KIF21B: variants seen among roughly 807,000 people sequenced by gnomAD.
KIF21B encodes kinesin-like protein KIF21B.
A neutral mutation model predicts 192.9 loss-of-function variants in KIF21B; 85 were observed. The ratio of observed to expected loss-of-function variants is 0.44; its 90% CI spans 0.37 to 0.53. The LOEUF (loss-of-function observed/expected upper bound fraction) is 0.53, where lower values mean the gene tolerates loss of function less well. Among genes scored for constraint, KIF21B ranks in the 20% least tolerant of loss-of-function variants. KIF21B has a pLI of 0.00. For missense variants in KIF21B, 1,716 were observed against 2,194.8 expected (o/e 0.78, Z 4.36); for synonymous variants, 832 against 884.6 (o/e 0.94, Z 1.05).
rs1354046251 is a variant in KIF21B, at chr1:200,973,478, C to T, written c.*43G>A. 3.5e-6 allele frequency: 5 copies of T among 1,409,800 alleles called. No individual in the cohort carries two copies. Among genetic ancestry groups the T allele is most frequent in the Admixed American group, 3.5e-5 (1 of 28,936 alleles). The allele number at this position is 1,409,800 out of a possible 1,614,324, so 87.3% of individuals were successfully genotyped here. A position where few individuals can be genotyped will look rare whatever the true frequency, so the allele number is the denominator to read the frequency against. On this transcript the variant is annotated 3_prime_UTR_variant, in exon 35 of 35. Coordinates refer to ENST00000461742, the MANE Select transcript of KIF21B (RefSeq NM_001252102.2). ...CAGCTTCCCTTCCATGGTGTCCAGG[C>T]TGCTGGGGTCGAGGGTCCGGGGGCA... is the stretch of plus-strand genomic sequence containing the variant.
chr1:200,973,521 C>T lies in KIF21B; in HGVS notation c.4872G>A (p.Ter1624=). The change falls in exon 35 of 35, where the codon TAG becomes TAA. Residue 1624 remains the stop codon, a stop_retained_variant. Transcript: ENST00000461742. The part of the protein sequence containing the change: ...VRRLPHSGPP[*] ...CGGGGGCATCCCTCTGACCTCACTC[C>T]TAGGGTGGGCCGCTGTGGGGTAACC... 1 of 1,479,018 alleles carries T rather than the reference C, an allele frequency of 6.8e-7. No homozygotes were observed. The highest frequency in any genetic ancestry group is 1.7e-4 in the Middle Eastern group (1 of 5,780). 91.6% of individuals were successfully genotyped at this position (1,479,018 alleles called of 1,614,324 possible).
chr1:201,022,294 C>T (rs2102490801), intron 1 of KIF21B, among the ~76,000 whole-genome samples: 1 of 152,252 alleles, frequency 6.6e-6, no homozygotes, highest in East Asian at 1.9e-4. Context: ...ACCTGAGAGA[C>T]CTACCCTAGA....
chr1:200,974,816 A>G lies in KIF21B; in HGVS notation c.4712T>C (p.Val1571Ala), dbSNP rs758204948. Residue 1571 changes from valine to alanine, a missense_variant, in exon 34 of 35, where the codon GTC becomes GCC. By Grantham distance (64) the Val-to-Ala change is moderately conservative. Coordinates refer to ENST00000461742, the MANE Select transcript of KIF21B (RefSeq NM_001252102.2). ...LSACRAGVIK[V>A]WNVDNFTPIG... ...GGGTGTGAAGTTGTCCACGTTCCAG[A>G]CCTTGATGACACCCGCACGGCAGGC... The G allele has an allele frequency of 6.2e-7, 1 of 1,614,170 alleles. No homozygotes were observed. The highest frequency in any genetic ancestry group is 8.5e-7 in the Non-Finnish European group (1 of 1,180,010).
chr1:200,994,143 G>A (rs1558011193), intron 15 of KIF21B, among the ~76,000 whole-genome samples: 2 of 152,216 alleles, frequency 1.3e-5, no homozygotes, highest in Admixed American at 6.5e-5. Flanking sequence ...AAGCACCATG[G>A]TGGCTACCAC....
At chr1:201,004,241 C>T (rs1000170316) in intron 7 of KIF21B, 99 bp downstream of exon 7, 1 of 1,002,392 alleles carries the variant, frequency 1.0e-6, no homozygotes, top group Non-Finnish European at 1.5e-6. Context: ...GGAAGGCCTC[C>T]TCCTCCTGGG....
At chr1:201,013,494 A>AG (rs1658344090) in intron 1 of KIF21B, among the ~76,000 whole-genome samples, 1 of 152,072 alleles carries the variant, frequency 6.6e-6, no homozygotes, top group African/African-American at 2.4e-5. Context: ...GGGGCATGGG[A>AG]GGGGGGTCAA....
rs1657547479 is a variant in KIF21B, at chr1:201,002,308, C to G, written c.1255G>C (p.Asp419His). The change falls in exon 9 of 35, where the codon GAT becomes CAT. Residue 419 changes from aspartate (D) to histidine (H), a missense_variant. Physicochemically the swap from Asp to His is moderately conservative, Grantham distance 81. Transcript: ENST00000461742. The part of the protein sequence containing the change: ...IGEDGAEGYS[D>H]LFRENAMLQK... ...AGCATGGCATTCTCTCGGAACAGATCACTATAGCCCTCAGCGCCATCCTCT... is the reference window on the plus strand; with the variant it reads ...AGCATGGCATTCTCTCGGAACAGATGACTATAGCCCTCAGCGCCATCCTCT... The G allele has an allele frequency of 6.2e-7, 1 of 1,614,090 alleles. No individual in the cohort carries two copies. The highest frequency in any genetic ancestry group is 8.5e-7 in the Non-Finnish European group (1 of 1,180,042).
chr1:201,005,797 A>G (rs1216519969), intron 3 of KIF21B, 103 bp from the exon 4 acceptor site: 5 of 1,235,076 alleles, frequency 4.0e-6, no homozygotes, highest in African/African-American at 3.0e-5. Flanking sequence ...GTGGAAACTG[A>G]GGCTGTGGGT....
Position 200,999,905 on chromosome 1 carries a change from G to T in KIF21B, c.1745C>A (p.Thr582Lys). The T allele has an allele frequency of 6.2e-7, 1 of 1,613,872 alleles. No homozygotes were observed. Among genetic ancestry groups the T allele is most frequent in the Non-Finnish European group, 8.5e-7 (1 of 1,180,020 alleles). ...CACCTCCTCCGCCTCGTTCTCATCCGTCTCCTCGCTGTTCTCCTGTTGGAG... is the reference window on the plus strand; with the variant it reads ...CACCTCCTCCGCCTCGTTCTCATCCTTCTCCTCGCTGTTCTCCTGTTGGAG... Reference protein sequence around the residue: ...AKLQQENSEETDENEAEEEEE... With the variant: ...AKLQQENSEEKDENEAEEEEE... Residue 582 changes from threonine (T) to lysine (K), a missense_variant, in exon 12 of 35, where the codon ACG becomes AAG. Around this residue, in one of 3 missense-constraint regions of KIF21B, gnomAD observed 1,087 missense variants for 1,316.6 expected, o/e 0.83. Transcript: ENST00000461742. The surrounding 1 kb of genome is among the most constrained non-coding windows in gnomAD (Gnocchi z 4.7).
rs1174268785 is a variant in KIF21B, at chr1:200,999,464, C to T, written c.1770G>A (p.Glu590=). ...EETDENEAEE[E]EEERDESGCE... ...AGCCACTCTCGTCTCGCTCTTCCTC[C>T]TCCTGGGCACCAGGCACCATTGGGG... The change falls in exon 13 of 35, where the codon GAG becomes GAA. Residue 590 remains glutamate, a splice_region_variant and synonymous_variant. Transcript: ENST00000461742. This position sits in a 1 kb window ranked among gnomAD's most constrained non-coding sequence, Gnocchi z 4.7. The T allele has an allele frequency of 1.9e-6, 3 of 1,613,548 alleles. No individual in the cohort carries two copies. The highest frequency in any genetic ancestry group is 2.2e-5 in the South Asian group (2 of 91,028).
chr1:201,014,356 A>G (rs1246797346), intron 1 of KIF21B, among the ~76,000 whole-genome samples: 1 of 152,220 alleles, frequency 6.6e-6, no homozygotes, highest in East Asian at 1.9e-4. Flanking sequence ...CCTGGAGCAC[A>G]GAGCTGCAGG....
chr1:201,000,452 G>A lies in KIF21B; in HGVS notation c.1623C>T (p.Ile541=), dbSNP rs766686164. The A allele has an allele frequency of 6.3e-6, 10 of 1,582,284 alleles. No individual in the cohort carries two copies. The highest frequency in any genetic ancestry group is 1.4e-5 in the African/African-American group (1 of 73,168). The change falls in exon 11 of 35, where the codon ATC becomes ATT. Residue 541 remains isoleucine, a synonymous_variant. Transcript: ENST00000461742. This position sits in a 1 kb window ranked among gnomAD's most constrained non-coding sequence, Gnocchi z 6.0. ...GCTCCAGGTCCTGCTTGGCCCTGCG[G>A]ATCACCTCCGAGGCATCCTCCATGG... ...ASSMEDASEV[I]RRAKQDLERL... is the part of the protein sequence containing the mutation.
intron 1 of KIF21B, among the ~76,000 whole-genome samples, chr1:201,010,773 C>T (rs903228438): frequency 3.3e-5 from 5 of 152,364 alleles, no homozygotes; most frequent in African/African-American, 1.2e-4. Flanking sequence ...CACCCTGTCT[C>T]TGTCCCCAGC....
At chr1:200,976,729 G>A in intron 32 of KIF21B, 47 bp downstream of exon 32, 1 of 1,234,830 alleles carries the variant, frequency 8.1e-7, no homozygotes, top group Non-Finnish European at 1.2e-6. Context: ...GCAAAGATTG[G>A]GGAGAGTGGA....
rs1657201881 is a variant in KIF21B at position 200,998,220 on chromosome 1, G to A, written c.2077+164C>T. ...TGTTTCATAGGAACTAGGGTTAGAC[G>A]TAAGAACCTTTAACTGTGGGTCAAA... is the stretch of plus-strand genomic sequence containing the variant. On this transcript the variant is annotated intron_variant, in intron 14 of 34. Coordinates refer to ENST00000461742, the MANE Select transcript of KIF21B (RefSeq NM_001252102.2). The surrounding 1 kb of genome is among the most constrained non-coding windows in gnomAD (Gnocchi z 4.3). Among the ~76,000 whole-genome samples, 1 of 152,204 alleles carries A rather than the reference G, an allele frequency of 6.6e-6. No individual in the cohort carries two copies. Among genetic ancestry groups the A allele is most frequent in the Non-Finnish European group, 1.5e-5 (1 of 68,036 alleles).
intron 21 of KIF21B, 140 bp from the exon 22 acceptor site, chr1:200,989,071 G>T: frequency 1.2e-6 from 1 of 839,328 alleles, no homozygotes; most frequent in Non-Finnish European, 1.8e-6. Context: ...GCACAGACCT[G>T]AGAGCACCGC....
At chr1:201,007,052 A>G (rs1657882619) in intron 3 of KIF21B, among the ~76,000 whole-genome samples, 1 of 146,466 alleles carries the variant, frequency 6.8e-6, no homozygotes, top group Non-Finnish European at 1.5e-5. Flanking sequence ...ACACATAGAC[A>G]CACACACACA....
In KIF21B at chr1:200,973,385, A is replaced by T; in HGVS notation, c.*136T>A. ...GTGTCCTGTGGGAAGGCCAAGGGAG[A>T]GGGAGGAGGGCAGGAGAGGGGGCCA... is the stretch of plus-strand genomic sequence containing the variant. On this transcript the variant is annotated 3_prime_UTR_variant, in exon 35 of 35. Coordinates refer to ENST00000461742, the MANE Select transcript of KIF21B (RefSeq NM_001252102.2). 1 of 1,102,104 alleles carries T rather than the reference A, an allele frequency of 9.1e-7. No homozygotes were observed. Among genetic ancestry groups the T allele is most frequent in the East Asian group, 3.2e-5 (1 of 31,308 alleles). The allele number at this position is 1,102,104 out of a possible 1,614,324, so 68.3% of individuals were successfully genotyped here. A position where few individuals can be genotyped will look rare whatever the true frequency, so the allele number is the denominator to read the frequency against.
chr1:201,007,345 G>C (rs924542229), intron 3 of KIF21B, among the ~76,000 whole-genome samples: 3 of 48,580 alleles, frequency 6.2e-5, no homozygotes, highest in Non-Finnish European at 1.2e-4. Context: ...CACAGACACA[G>C]AGACACATAG....
Sources: allele counts gnomAD v4.1 joint callset (sites outside exome capture counted in the v4.1 genomes callset), GRCh38; gene constraint gnomAD v4.1.1; regional missense constraint gnomAD v4.1.1; non-coding constraint Gnocchi (gnomAD v3.1); transcripts MANE v1.5; gene names NCBI Gene and HGNC (gene_info 2026-07-23, HGNC 2026-07-21).